The following RC3H2 variants were observed in gnomAD, a reference collection of about 807,000 sequenced individuals.
RC3H2 encodes the protein ring finger and CCCH-type domains 2, also known as roquin-2.
In RC3H2, 31 loss-of-function variants were observed where a neutral mutation model predicts 133.3. The observed-to-expected ratio is 0.23, with a 90% CI of 0.17 to 0.31. The LOEUF (loss-of-function observed/expected upper bound fraction) is 0.31. Ranked by LOEUF, RC3H2 falls within the 10% of genes least tolerant of loss-of-function variation. The pLI is 1.00. For synonymous variants in RC3H2, 517 were observed against 502.2 expected, an observed-to-expected ratio of 1.03 and a Z score of -0.40; for missense variants, 1,175 against 1,437.2, an observed-to-expected ratio of 0.82 and a Z score of 2.95.
intron 9 of RC3H2, chr9:122,875,054 T>C: frequency 9.4e-7 from 1 of 1,065,802 alleles, no homozygotes. Context: ...AAAGCTCTAT[T>C]TCAGGTATGG....
At chr9:122,856,396 G>A (rs899392460) in intron 13 of RC3H2, among the ~76,000 whole-genome samples, 2 of 152,124 alleles carry the variant, frequency 1.3e-5, no homozygotes, top group African/African-American at 4.8e-5. Flanking sequence ...GGGACTATAG[G>A]CACACGCCAC....
chr9:122,859,951 C>G lies in RC3H2; in HGVS notation c.1815G>C (p.Gln605His), dbSNP rs760677036. The G allele has an allele frequency of 6.2e-6, 10 of 1,614,010 alleles. No homozygotes were observed. The highest frequency in any genetic ancestry group is 8.5e-6 in the Non-Finnish European group (10 of 1,179,896). The part of the protein sequence containing the change: ...NIQYFQDPRT[Q>H]IPFEVPQYPQ... ...GGTACTGTGGGACTTCAAAGGGTATCTGAGTCCTTGGATCTTGAAAATACT... is the reference window on the plus strand; with the variant it reads ...GGTACTGTGGGACTTCAAAGGGTATGTGAGTCCTTGGATCTTGAAAATACT... Residue 605 changes from glutamine to histidine, a missense_variant, in exon 11 of 21, where the codon CAG becomes CAC. Around this residue, in one of 8 missense-constraint regions of RC3H2, gnomAD observed 490 missense variants for 492.8 expected, o/e 0.99. Coordinates refer to ENST00000357244, the MANE Select transcript of RC3H2 (RefSeq NM_001100588.3).
rs576993725 is a variant in RC3H2, at chr9:122,894,419, G to A, written c.232-1393C>T. The stretch of plus-strand genomic sequence containing the variant: ...CACATTCTAGTGGAGAGGAGAAGAG[G>A]TAGCCAATCAATAAATTAAAAACAT... On this transcript the variant is annotated intron_variant, in intron 2 of 20. Transcript: ENST00000357244. Among the ~76,000 whole-genome samples the A allele has an allele frequency of 2.0e-5, 3 of 151,986 alleles. No individual in the cohort carries two copies. The East Asian group carries it at 5.8e-4, about 29-fold the overall frequency.
intron 3 of RC3H2, 101 bp from the exon 4 acceptor site, chr9:122,890,646 G>C (rs903839551): frequency 1.2e-6 from 1 of 806,136 alleles, no homozygotes; most frequent in Non-Finnish European, 2.0e-6. Flanking sequence ...AATTCCTAAT[G>C]AGTCCCTTGT....
At chr9:122,866,604 A>G (rs7042013) in intron 9 of RC3H2, among the ~76,000 whole-genome samples, 148,057 of 152,022 alleles carry the variant, frequency 0.97, 72,224 homozygotes, top group East Asian at 1. Context: ...ACGGGGTTTC[A>G]CTGTGTTGGC....
At chr9:122,896,069 T>C (rs934490780) in intron 2 of RC3H2, among the ~76,000 whole-genome samples, 2 of 149,180 alleles carry the variant, frequency 1.3e-5, no homozygotes, top group East Asian at 1.9e-4. Flanking sequence ...ACTGGAAGAA[T>C]TGTCTTGGGC....
intron 1 of RC3H2, among the ~76,000 whole-genome samples, chr9:122,901,774 T>C (rs1010596268): frequency 7.9e-5 from 12 of 151,020 alleles, no homozygotes; most frequent in African/African-American, 2.7e-4. Context: ...GTATTTTTAG[T>C]AGAGACAGGG....
At chr9:122,875,964 T>C (rs539213604) in intron 9 of RC3H2, among the ~76,000 whole-genome samples, 45 of 152,266 alleles carry the variant, frequency 3.0e-4, no homozygotes, top group Middle Eastern at 3.4e-3. Flanking sequence ...TCTGTGCTTT[T>C]AAAATATTTC....
chr9:122,900,726 C>T (rs1661959344), intron 1 of RC3H2, among the ~76,000 whole-genome samples: 1 of 152,092 alleles, frequency 6.6e-6, no homozygotes, highest in African/African-American at 2.4e-5. Context: ...ATAATCAAAA[C>T]ATTTCAAACT....
chr9:122,867,605 A>G (rs1830767464), intron 9 of RC3H2, among the ~76,000 whole-genome samples: 3 of 117,280 alleles, frequency 2.6e-5, no homozygotes, highest in African/African-American at 9.8e-5. Context: ...CCGCCATCCC[A>G]TCTAGGAAGT....
intron 13 of RC3H2, among the ~76,000 whole-genome samples, chr9:122,857,189 T>C (rs1316039586): frequency 1.3e-5 from 2 of 152,210 alleles, no homozygotes; most frequent in Non-Finnish European, 2.9e-5. Context: ...TACTTGTATA[T>C]GTTTGAAATT....
rs567018448 is a variant in RC3H2, at chr9:122,846,143, C to G, written c.*3484G>C. 1 of 152,226 alleles carries G rather than the reference C, an allele frequency of 6.6e-6. No individual in the cohort carries two copies. The highest frequency in any genetic ancestry group is 1.5e-5 in the Non-Finnish European group (1 of 67,998). 9.4% of individuals were successfully genotyped at this position (152,226 alleles called of 1,614,324 possible). A position where few individuals can be genotyped will look rare whatever the true frequency, so the allele number is the denominator to read the frequency against. ...AAATTCCTACAAATTGCCGTGCATC[C>G]TGTAATTTTCTCAAGGCAGCATATA... On this transcript the variant is annotated 3_prime_UTR_variant, in exon 21 of 21. Transcript: ENST00000357244.
rs754704417 is a variant in RC3H2 at position 122,877,549 on chromosome 9, C to T, written c.1247G>A (p.Cys416Tyr). ...QPNSKYKTSM[C>Y]RDLRQQGGCP... is the part of the protein sequence containing the mutation. ...ACCCCCTTGCTGTCGCAAATCTCGG[C>T]ACATGCTAGTCTTGTATTTGCTGTT... The change falls in exon 9 of 21, where the codon TGC becomes TAC. Residue 416 changes from cysteine (C) to tyrosine (Y), a missense_variant. Around this residue, in one of 8 missense-constraint regions of RC3H2, gnomAD observed 131 missense variants for 154.2 expected, o/e 0.85. Transcript: ENST00000357244. The T allele has an allele frequency of 6.2e-7, 1 of 1,614,174 alleles. No individual in the cohort carries two copies. Among genetic ancestry groups the T allele is most frequent in the South Asian group, 1.1e-5 (1 of 91,078 alleles).
At chr9:122,902,710 G>A (rs752845286) in intron 1 of RC3H2, among the ~76,000 whole-genome samples, 10 of 151,946 alleles carry the variant, frequency 6.6e-5, no homozygotes, top group Non-Finnish European at 1.2e-4. Flanking sequence ...AAATTAGCCT[G>A]GTGTAGTGGT....
intron 6 of RC3H2, 127 bp downstream of exon 6, chr9:122,880,467 T>C (rs1831570124): frequency 2.5e-6 from 2 of 785,802 alleles, no homozygotes; most frequent in Admixed American, 2.8e-5. Flanking sequence ...ATAAGGATAA[T>C]TTATAAGAGT....
rs960493417 is a variant in RC3H2, at chr9:122,859,040, T to G, written c.1912A>C (p.Arg638=). The G allele has an allele frequency of 1.9e-6, 3 of 1,610,324 alleles. No homozygotes were observed. Among genetic ancestry groups the G allele is most frequent in the Non-Finnish European group, 2.5e-6 (3 of 1,177,400 alleles). ...GVAPCVPRFV[R]SNNVPESSLP... The stretch of plus-strand genomic sequence containing the variant: ...GAGGACTCTGGAACGTTATTGGACC[T>G]CACAAAGCGAGGAACACAGGGAGCC... Residue 638 remains arginine (R), a synonymous_variant, in exon 12 of 21, where the codon AGG becomes CGG. Coordinates refer to ENST00000357244, the MANE Select transcript of RC3H2 (RefSeq NM_001100588.3).
chr9:122,854,274 G>A lies in RC3H2; in HGVS notation c.2901-8C>T. 6.2e-7 allele frequency: 1 copy of A among 1,600,204 alleles called. No individual in the cohort carries two copies. The highest frequency in any genetic ancestry group is 8.6e-7 in the Non-Finnish European group (1 of 1,169,010). On this transcript the variant is annotated splice_region_variant and splice_polypyrimidine_tract_variant and intron_variant, in intron 16 of 20. Transcript: ENST00000357244. ...GTAACAATGAATCTGTCCCTTTAAA[G>A]AGAAATATGTTTATTGTAATAAAAG...
intron 1 of RC3H2, among the ~76,000 whole-genome samples, chr9:122,898,553 C>T (rs1162298914): frequency 1.3e-5 from 2 of 152,022 alleles, no homozygotes; most frequent in African/African-American, 4.8e-5. Context: ...AGCTTGAGAA[C>T]AGCCTGACCA....
Position 122,849,663 on chromosome 9 carries a change from T to C in RC3H2, c.3540A>G (p.Leu1180=). Residue 1180 remains leucine (L), a synonymous_variant, in exon 21 of 21, where the codon TTA becomes TTG. Transcript: ENST00000357244. ...HVMSEDKNDF[L]KPVANGKMVN... The stretch of plus-strand genomic sequence containing the variant: ...CCATCTTCCCATTTGCAACAGGTTT[T>C]AAAAAGTCGTTTTTATCTTCAGACA... 6.2e-7 allele frequency: 1 copy of C among 1,613,504 alleles called. No homozygotes were observed. Among genetic ancestry groups the C allele is most frequent in the Non-Finnish European group, 8.5e-7 (1 of 1,179,812 alleles).
Sources: gnomAD v4.1 joint callset for allele counts (sites outside exome capture counted in the v4.1 genomes callset) on GRCh38, gnomAD v4.1.1 for gene constraint, gnomAD v4.1.1 regional missense constraint, MANE v1.5 for transcripts, NCBI Gene and HGNC (gene_info 2026-07-23, HGNC 2026-07-21) for gene names.